FBXO11: variants seen among roughly 807,000 people sequenced by gnomAD.
FBXO11 encodes F-box only protein 11.
Under a neutral mutation model 117.0 loss-of-function variants are expected in FBXO11, and 13 were observed. The observed-to-expected ratio is 0.11, with a 90% CI of 0.07 to 0.18. The LOEUF is 0.18. Among genes scored for constraint, FBXO11 ranks in the 10% least tolerant of loss-of-function variants. The probability of loss-of-function intolerance (pLI) is 1.00; values close to 1 mark genes in which losing one functional copy is unlikely to be tolerated. For synonymous variants in FBXO11, 490 were observed against 380.5 expected (o/e 1.29, Z -3.35); for missense variants, 767 against 1,164.4 (o/e 0.66, Z 4.97).
intron 1 of FBXO11, among the ~76,000 whole-genome samples, chr2:47,893,625 C>T (rs2103996531): frequency 6.6e-6 from 1 of 152,188 alleles, no homozygotes; most frequent in South Asian, 2.1e-4. Flanking sequence ...CTTTAAGTTC[C>T]ACAAGGGCAA....
intron 1 of FBXO11, among the ~76,000 whole-genome samples, chr2:47,850,355 T>C (rs1271103532): frequency 6.6e-6 from 1 of 152,258 alleles, no homozygotes; most frequent in South Asian, 2.1e-4. Flanking sequence ...AAACTAAATA[T>C]GTAGATCTCA....
intron 14 of FBXO11, 76 bp from the exon 15 acceptor site, chr2:47,819,154 G>A: frequency 2.1e-6 from 3 of 1,448,256 alleles, no homozygotes; most frequent in East Asian, 2.3e-5. Context: ...CCCCTTTATA[G>A]ACAGTTAAAA....
At chr2:47,862,123 G>A (rs1317698556) in intron 1 of FBXO11, among the ~76,000 whole-genome samples, 1 of 152,098 alleles carries the variant, frequency 6.6e-6, no homozygotes, top group African/African-American at 2.4e-5. Context: ...GTTTCACCAT[G>A]TTGGCCAGGC....
At position 47,845,052 on chromosome 2, in the gene FBXO11, G is replaced by C. The variant is rs117891294; in HGVS notation, c.233-5283C>G. Among the ~76,000 whole-genome samples the C allele has an allele frequency of 1.2e-4, 19 of 152,260 alleles. No homozygotes were observed. In the East Asian group the frequency reaches 3.7e-3, roughly 29 times the overall value. On this transcript the variant is annotated intron_variant, in intron 1 of 22. Transcript: ENST00000403359. ...CAGTCCAATTCTACAACACTCAAAAGTACATTCTCAAACTTTTCATCCTAT... is the reference window on the plus strand; with the variant it reads ...CAGTCCAATTCTACAACACTCAAAACTACATTCTCAAACTTTTCATCCTAT...
intron 4 of FBXO11, among the ~76,000 whole-genome samples, chr2:47,837,850 C>T (rs922945205): frequency 3.3e-5 from 5 of 152,058 alleles, no homozygotes; most frequent in Admixed American, 6.5e-5. Flanking sequence ...CCTGCCTCAG[C>T]CTCCGGAGTA....
chr2:47,807,001 T>C lies in FBXO11; in HGVS notation c.*1117A>G, dbSNP rs1670252384. On this transcript the variant is annotated 3_prime_UTR_variant, in exon 23 of 23. Coordinates refer to ENST00000403359, the MANE Select transcript of FBXO11 (RefSeq NM_001190274.2). ...GGAAATTAAACCCTTTTAATTCTTA[T>C]CTACCTTCTACATAATGGTTATTGA... 8 of 694,600 alleles carry C rather than the reference T, an allele frequency of 1.2e-5. No homozygotes were observed. Among genetic ancestry groups the C allele is most frequent in the East Asian group, 8.1e-5 (3 of 36,852 alleles). 43.0% of individuals were successfully genotyped at this position (694,600 alleles called of 1,614,324 possible).
At chr2:47,899,184 G>A (rs920893182) in intron 1 of FBXO11, among the ~76,000 whole-genome samples, 1 of 149,134 alleles carries the variant, frequency 6.7e-6, no homozygotes, top group Non-Finnish European at 1.5e-5. Flanking sequence ...TGAGGCAGGA[G>A]AATGGTGTGA....
At chr2:47,838,061 C>CA (rs11286219) in intron 4 of FBXO11, among the ~76,000 whole-genome samples, 1,387 of 104,434 alleles carry the variant, frequency 0.013, 9 homozygotes, top group African/African-American at 0.02. Context: ...CCCTTTGTCT[C>CA]AAAAAAAAAA....
At chr2:47,883,803 G>C (rs930933855) in intron 1 of FBXO11, 24 of 224,412 alleles carry the variant, frequency 1.1e-4, no homozygotes, top group East Asian at 2.4e-4. Flanking sequence ...GCCTTAGTCG[G>C]GAGTGCCCTT....
Position 47,839,496 on chromosome 2 carries a change from G to T in FBXO11, c.365C>A (p.Ala122Asp). 2 of 1,613,418 alleles carry T rather than the reference G, an allele frequency of 1.2e-6. No homozygotes were observed. The highest frequency in any genetic ancestry group is 1.7e-6 in the Non-Finnish European group (2 of 1,179,834). The change falls in exon 3 of 23, where the codon GCC (alanine) becomes GAC (aspartate). Residue 122 changes from alanine (A) to aspartate (D), a missense_variant. Ala to Asp is a moderately radical substitution (Grantham distance 126, BLOSUM62 -2). This residue lies in a region of FBXO11 where 355 missense variants were observed against 299.8 expected (regional missense o/e 1.18). Coordinates refer to ENST00000403359, the MANE Select transcript of FBXO11 (RefSeq NM_001190274.2). Reference protein sequence around the residue: ...ACPTKNSMEGASTSTTENFGH... With the variant: ...ACPTKNSMEGDSTSTTENFGH... The stretch of plus-strand genomic sequence containing the variant: ...AAAGTTTTCTGTAGTTGAAGTTGAG[G>T]CGCCCTTCAAAAACAAAACAGAAAC...
At position 47,884,440 on chromosome 2, in the gene FBXO11, CT is replaced by C. The variant is rs568537566; in HGVS notation, c.232+21048del. Among the ~76,000 whole-genome samples the C allele has an allele frequency of 1.2e-4, 19 of 152,244 alleles. No individual in the cohort carries two copies. In the East Asian group the frequency reaches 3.7e-3, roughly 29 times the overall value. On this transcript the variant is annotated intron_variant, in intron 1 of 22. Coordinates refer to ENST00000403359, the MANE Select transcript of FBXO11 (RefSeq NM_001190274.2). The stretch of plus-strand genomic sequence containing the variant: ...ATATTTAAACTAATAGCTTCTGTCC[CT>C]TTCGGATGTTTTTGATAGCCCTCAA...
intron 4 of FBXO11, among the ~76,000 whole-genome samples, chr2:47,837,710 T>C (rs557441988): frequency 1.3e-5 from 2 of 152,324 alleles, no homozygotes; most frequent in African/African-American, 4.8e-5. Context: ...GTTGTGATTA[T>C]ATAGCATATA....
rs377360495 is a variant in FBXO11, at chr2:47,844,435, A to G, written c.233-4666T>C. 3.3e-5 allele frequency among the ~76,000 whole-genome samples: 5 copies of G among 152,314 alleles called. No individual in the cohort carries two copies. In the East Asian group the frequency reaches 9.7e-4, roughly 29 times the overall value. ...ATATTTTGAAAAGGCCCAAGGCCAT[A>G]TATCCTATCCCCATATGTGCAATAA... On this transcript the variant is annotated intron_variant, in intron 1 of 22. Coordinates refer to ENST00000403359, the MANE Select transcript of FBXO11 (RefSeq NM_001190274.2).
chr2:47,822,327 A>C (rs1558413316), intron 12 of FBXO11, 24 bp from the exon 13 acceptor site: 1 of 1,464,470 alleles, frequency 6.8e-7, no homozygotes, highest in East Asian at 2.3e-5. Flanking sequence ...AAATAAAAAA[A>C]AAGAAGACAT....
intron 1 of FBXO11, among the ~76,000 whole-genome samples, chr2:47,863,177 A>G (rs1013334345): frequency 3.3e-5 from 5 of 152,314 alleles, no homozygotes; most frequent in Non-Finnish European, 7.3e-5. Flanking sequence ...AGAAAATAAA[A>G]CCAAAACATT....
chr2:47,836,564 C>T (rs893583345), intron 4 of FBXO11, among the ~76,000 whole-genome samples: 1 of 152,014 alleles, frequency 6.6e-6, no homozygotes, highest in African/African-American at 2.4e-5. Context: ...GATTTACCCA[C>T]CTCAGCCTCC....
chr2:47,808,998 C>A (rs1425367700), intron 21 of FBXO11, 160 bp downstream of exon 21: 1 of 530,800 alleles, frequency 1.9e-6, no homozygotes, highest in Non-Finnish European at 3.3e-6. Context: ...CGCCTACCCA[C>A]AGTTACAGTC....
intron 1 of FBXO11, among the ~76,000 whole-genome samples, chr2:47,895,536 G>C (rs1002650631): frequency 6.6e-6 from 1 of 152,192 alleles, no homozygotes; most frequent in African/African-American, 2.4e-5. Context: ...TGGGATACTA[G>C]TAGTGCTTTA....
At chr2:47,853,007 G>GTAT (rs1463062495) in intron 1 of FBXO11, among the ~76,000 whole-genome samples, 1 of 152,012 alleles carries the variant, frequency 6.6e-6, no homozygotes, top group African/African-American at 2.4e-5. Flanking sequence ...TTTATTAGGA[G>GTAT]TATATTAGCC....
Sources: allele counts gnomAD v4.1 joint callset (sites outside exome capture counted in the v4.1 genomes callset), GRCh38; gene constraint gnomAD v4.1.1; regional missense constraint gnomAD v4.1.1; transcripts MANE v1.5; gene names NCBI Gene and HGNC (gene_info 2026-07-23, HGNC 2026-07-21).